Variants in CNRIP1 observed in about 807,000 individuals in gnomAD.
CNRIP1 encodes the protein CB1 cannabinoid receptor-interacting protein 1.
In CNRIP1, 10 loss-of-function variants were observed where a neutral mutation model predicts 15.2. The ratio of observed to expected loss-of-function variants is 0.66; its 90% CI spans 0.41 to 1.12. The LOEUF (loss-of-function observed/expected upper bound fraction) is 1.12, where lower values mean the gene tolerates loss of function less well. Among genes scored for constraint, CNRIP1 ranks in the 50% most tolerant of loss-of-function variants. The probability of loss-of-function intolerance (pLI) is 0.00; values close to 1 mark genes in which losing one functional copy is unlikely to be tolerated. For synonymous variants in CNRIP1, 91 were observed against 83.2 expected (o/e 1.09, Z -0.51); for missense variants, 211 against 214.7 (o/e 0.98, Z 0.11).
Position 68,294,035 on chromosome 2 carries a change from A to G in CNRIP1, c.331-9T>C, listed in dbSNP as rs1419582024. On this transcript the variant is annotated splice_polypyrimidine_tract_variant and intron_variant, in intron 2 of 2. Transcript: ENST00000263655. The stretch of plus-strand genomic sequence containing the variant: ...GTCCCAATGTCTGTGAACTGAGGGA[A>G]GAGAAACATGCCTGATAAAAAACCT... 1 of 1,612,652 alleles carries G rather than the reference A, an allele frequency of 6.2e-7. No homozygotes were observed. The highest frequency in any genetic ancestry group is 8.5e-7 in the Non-Finnish European group (1 of 1,178,996).
downstream of CNRIP1, among the ~76,000 whole-genome samples, chr2:68,292,673 A>G (rs192465587): frequency 9.2e-5 from 14 of 152,344 alleles, no homozygotes; most frequent in Non-Finnish European, 1.9e-4. Context: ...GGCCTCAACC[A>G]TGATGTACAC....
chr2:68,285,668 AAAAAG>A (rs1553413238), intron 2 of CNRIP1, among the ~76,000 whole-genome samples: 3,501 of 124,292 alleles, frequency 0.028, 147 homozygotes, highest in African/African-American at 0.098. Flanking sequence ...AAAAAAAAAA[AAAAAG>A]AAAAGAAAAG....
intron 2 of CNRIP1, among the ~76,000 whole-genome samples, chr2:68,311,779 GAAAAAAAA>G (rs59421926): frequency 1.7e-4 from 15 of 90,272 alleles, no homozygotes; most frequent in African/African-American, 4.5e-4. Context: ...CATCTCCGGG[GAAAAAAAA>G]AAAAAAAAAA....
intron 1 of CNRIP1, among the ~76,000 whole-genome samples, chr2:68,318,892 C>G (rs1261592773): frequency 6.6e-6 from 1 of 152,256 alleles, no homozygotes; most frequent in African/African-American, 2.4e-5. Flanking sequence ...CCACCCCGAC[C>G]GCCTGCGGTT....
chr2:68,308,688 C>T (rs1048130866), intron 2 of CNRIP1, among the ~76,000 whole-genome samples: 6 of 151,936 alleles, frequency 3.9e-5, no homozygotes, highest in African/African-American at 1.2e-4. Context: ...GCATATTAAA[C>T]ATAATGCTTG....
At chr2:68,300,815 A>G (rs903566028) in intron 2 of CNRIP1, among the ~76,000 whole-genome samples, 1 of 152,218 alleles carries the variant, frequency 6.6e-6, no homozygotes, top group Non-Finnish European at 1.5e-5. Flanking sequence ...TGGATCCTAC[A>G]GACCTTAAAT....
At position 68,293,501 on chromosome 2, in the gene CNRIP1, A is replaced by C. The variant is rs1671235576; in HGVS notation, c.*361T>G. 2.0e-6 allele frequency: 2 copies of C among 1,005,452 alleles called. No homozygotes were observed. Among genetic ancestry groups the C allele is most frequent in the Non-Finnish European group, 1.2e-6 (1 of 841,806 alleles). The allele number at this position is 1,005,452 out of a possible 1,614,324, so 62.3% of individuals were successfully genotyped here. A position where few individuals can be genotyped will look rare whatever the true frequency, so the allele number is the denominator to read the frequency against. ...CATTGAACAAAAAAAAGGAGGAATCACTTAACTTGGAAACAAAACACCAAA... is the reference window on the plus strand; with the variant it reads ...CATTGAACAAAAAAAAGGAGGAATCCCTTAACTTGGAAACAAAACACCAAA... On this transcript the variant is annotated 3_prime_UTR_variant, in exon 3 of 3. Transcript: ENST00000263655.
chr2:68,295,232 G>A (rs889439613), intron 2 of CNRIP1, among the ~76,000 whole-genome samples: 6 of 152,192 alleles, frequency 3.9e-5, no homozygotes, highest in Non-Finnish European at 4.4e-5. Context: ...TACAGGAGGA[G>A]GGTGATCAGG....
intron 2 of CNRIP1, among the ~76,000 whole-genome samples, chr2:68,305,274 ATGTGTGTGTG>A (rs10601379): frequency 0.052 from 6,299 of 120,600 alleles, 296 homozygotes; most frequent in Middle Eastern, 0.077. Context: ...ATATATATAT[ATGTGTGTGTG>A]TGTGTGTGTG....
downstream of CNRIP1, among the ~76,000 whole-genome samples, chr2:68,288,871 C>G (rs1009901003): frequency 1.3e-5 from 2 of 152,132 alleles, no homozygotes; most frequent in Non-Finnish European, 2.9e-5. Context: ...GTCAAGAGAA[C>G]AGTGATGGGG....
intron 2 of CNRIP1, among the ~76,000 whole-genome samples, chr2:68,302,618 G>A (rs1208788181): frequency 6.6e-6 from 1 of 152,070 alleles, no homozygotes; most frequent in Admixed American, 6.6e-5. Context: ...GACTTCAGTG[G>A]CCACTCACAG....
intron 2 of CNRIP1, among the ~76,000 whole-genome samples, chr2:68,302,765 G>C (rs1310851340): frequency 6.6e-6 from 1 of 151,626 alleles, no homozygotes. Flanking sequence ...TCACTTTGAA[G>C]TGTGATATCA....
intron 2 of CNRIP1, among the ~76,000 whole-genome samples, chr2:68,314,131 T>C (rs1672191218): frequency 6.6e-6 from 1 of 152,100 alleles, no homozygotes; most frequent in Non-Finnish European, 1.5e-5. Flanking sequence ...CTTTTCATAT[T>C]AGCAATTATT....
intron 1 of CNRIP1, among the ~76,000 whole-genome samples, chr2:68,317,945 C>A (rs1672335334): frequency 1.3e-5 from 2 of 151,044 alleles, no homozygotes; most frequent in South Asian, 4.2e-4. Flanking sequence ...TAAAATGTAA[C>A]CAGAAAAAAT....
Position 68,319,568 on chromosome 2 carries a change from C to G in CNRIP1, c.-168G>C, listed in dbSNP as rs1672420591. 4 of 647,178 alleles carry G rather than the reference C, an allele frequency of 6.2e-6. No homozygotes were observed. Among genetic ancestry groups the G allele is most frequent in the Non-Finnish European group, 1.0e-5 (4 of 401,106 alleles). The allele number at this position is 647,178 out of a possible 1,614,324, so 40.1% of individuals were successfully genotyped here. A position where few individuals can be genotyped will look rare whatever the true frequency, so the allele number is the denominator to read the frequency against. On this transcript the variant is annotated 5_prime_UTR_variant, in exon 1 of 3. Coordinates refer to ENST00000263655, the MANE Select transcript of CNRIP1 (RefSeq NM_015463.3). ...GCGCCGTCGCCGCCGTCCGCCCGGG[C>G]TTTTGAGGAGCAGCTCCTTAGGCTG...
intron 2 of CNRIP1, among the ~76,000 whole-genome samples, chr2:68,298,786 C>T (rs1322921979): frequency 6.6e-6 from 1 of 152,052 alleles, no homozygotes; most frequent in Non-Finnish European, 1.5e-5. Context: ...ATTTCCTGGG[C>T]CTCTTACTAC....
chr2:68,311,968 C>T (rs752153886), intron 2 of CNRIP1, among the ~76,000 whole-genome samples: 6 of 151,536 alleles, frequency 4.0e-5, no homozygotes, highest in South Asian at 2.1e-4. Flanking sequence ...CTGAATAGCC[C>T]GATATCTATT....
chr2:68,316,261 T>C (rs1672267276), intron 2 of CNRIP1: 3 of 152,136 alleles, frequency 2.0e-5, no homozygotes, highest in Admixed American at 2.0e-4. Context: ...TGAGCTAAGA[T>C]CACTGGAGAG....
At chr2:68,303,448 G>A (rs1432600695) in intron 2 of CNRIP1, among the ~76,000 whole-genome samples, 2 of 152,144 alleles carry the variant, frequency 1.3e-5, no homozygotes, top group East Asian at 1.9e-4. Context: ...AGCTGACCTG[G>A]CTTGGGGAGA....
Sources: allele counts gnomAD v4.1 joint callset (sites outside exome capture counted in the v4.1 genomes callset), GRCh38; gene constraint gnomAD v4.1.1; transcripts MANE v1.5; gene names NCBI Gene and HGNC (gene_info 2026-07-23, HGNC 2026-07-21).